The following RORA variants were observed in gnomAD, a reference collection of about 807,000 sequenced individuals.
RORA encodes RAR related orphan receptor A.
RORA carries 7 observed loss-of-function variants against 69.5 expected under a neutral mutation model. That is an observed-to-expected ratio of 0.10 (90% confidence interval 0.06 to 0.19). The LOEUF (loss-of-function observed/expected upper bound fraction) is 0.19. Among genes scored for constraint, RORA ranks in the 10% least tolerant of loss-of-function variants. The pLI is 1.00. For synonymous variants in RORA, 261 were observed against 240.8 expected, an observed-to-expected ratio of 1.08 and a Z score of -0.78; for missense variants, 457 against 663.0, an observed-to-expected ratio of 0.69 and a Z score of 3.41.
chr15:61,186,881 C>T (rs1181617853), intron 1 of RORA, among the ~76,000 whole-genome samples: 1 of 152,144 alleles, frequency 6.6e-6, no homozygotes, highest in African/African-American at 2.4e-5. Context: ...GAGGTAAAAT[C>T]AGGAGGAGTC....
chr15:60,586,558 C>A (rs2068342685), intron 2 of RORA, among the ~76,000 whole-genome samples: 1 of 152,042 alleles, frequency 6.6e-6, no homozygotes, highest in Non-Finnish European at 1.5e-5. Flanking sequence ...TTCTGCACAG[C>A]CCCAAAGGAA....
At chr15:60,907,009 A>T (rs1202078289) in intron 1 of RORA, among the ~76,000 whole-genome samples, 1 of 152,208 alleles carries the variant, frequency 6.6e-6, no homozygotes, top group African/African-American at 2.4e-5. Context: ...AAATGCTCCA[A>T]GCAGCTAGAA....
At chr15:61,066,418 CTTTTTTTTTTTTTTT>C (rs1168663714) in intron 1 of RORA, among the ~76,000 whole-genome samples, 3 of 80,918 alleles carry the variant, frequency 3.7e-5, no homozygotes, top group African/African-American at 4.9e-5. Flanking sequence ...GGGCATATTC[CTTTTTTTTTTTTTTT>C]TTTTTTTTTT....
At chr15:60,550,000 T>C (rs559441843) in intron 2 of RORA, among the ~76,000 whole-genome samples, 1 of 152,250 alleles carries the variant, frequency 6.6e-6, no homozygotes, top group East Asian at 1.9e-4. Flanking sequence ...TTGAAAAAAG[T>C]GTAGAAGAGG....
intron 1 of RORA, among the ~76,000 whole-genome samples, chr15:60,708,599 T>G (rs556651421): frequency 1.3e-5 from 2 of 152,176 alleles, no homozygotes; most frequent in African/African-American, 4.8e-5. Context: ...GAATTTTCCA[T>G]AACACTTGCA....
intron 1 of RORA, among the ~76,000 whole-genome samples, chr15:60,813,581 T>C (rs2072772223): frequency 6.6e-6 from 1 of 152,206 alleles, no homozygotes; most frequent in African/African-American, 2.4e-5. Context: ...TTGTAACCTT[T>C]GCCCATCTTC....
chr15:60,794,505 A>G (rs983373015), intron 1 of RORA, among the ~76,000 whole-genome samples: 1 of 152,184 alleles, frequency 6.6e-6, no homozygotes, highest in Admixed American at 6.5e-5. Context: ...ACGACCATAA[A>G]GTCCTAGGGA....
intron 2 of RORA, among the ~76,000 whole-genome samples, chr15:60,562,268 C>T (rs1175808687): frequency 2.6e-5 from 4 of 151,936 alleles, no homozygotes; most frequent in Non-Finnish European, 5.9e-5. Flanking sequence ...CAGAGTCTGA[C>T]TCTGTCACCC....
intron 1 of RORA, among the ~76,000 whole-genome samples, chr15:60,946,269 C>T (rs1054412662): frequency 2.0e-5 from 3 of 152,118 alleles, no homozygotes; most frequent in African/African-American, 2.4e-5. Context: ...CCTCCTTCTC[C>T]CCACGGTCTC....
chr15:61,212,130 C>G (rs1470335195), intron 1 of RORA, among the ~76,000 whole-genome samples: 1 of 152,172 alleles, frequency 6.6e-6, no homozygotes, highest in Non-Finnish European at 1.5e-5. Flanking sequence ...ATAAGGAGAC[C>G]TATCCACAGC....
At chr15:60,851,294 G>A (rs1234823347) in intron 1 of RORA, among the ~76,000 whole-genome samples, 3 of 152,170 alleles carry the variant, frequency 2.0e-5, no homozygotes, top group African/African-American at 2.4e-5. Flanking sequence ...CTTGTCAGCC[G>A]CTTCCACAAT....
chr15:60,752,417 G>A (rs1410079718), intron 1 of RORA, among the ~76,000 whole-genome samples: 1 of 151,992 alleles, frequency 6.6e-6, no homozygotes, highest in Non-Finnish European at 1.5e-5. Context: ...CAATAATAGC[G>A]TTTCAATTTG....
intron 1 of RORA, among the ~76,000 whole-genome samples, chr15:60,916,177 C>T (rs1259648763): frequency 1.3e-5 from 2 of 152,170 alleles, no homozygotes; most frequent in Admixed American, 6.5e-5. Flanking sequence ...CTGTATGTGT[C>T]GTTTGACTGA....
chr15:60,713,981 C>T (rs1191310543), intron 1 of RORA, among the ~76,000 whole-genome samples: 1 of 152,110 alleles, frequency 6.6e-6, no homozygotes, highest in African/African-American at 2.4e-5. Flanking sequence ...ACTGTTCTCA[C>T]TTGGCAAAAC....
intron 1 of RORA, among the ~76,000 whole-genome samples, chr15:60,872,215 T>C (rs950513940): frequency 6.6e-6 from 1 of 152,134 alleles, no homozygotes; most frequent in South Asian, 2.1e-4. Flanking sequence ...TAACCTCCTA[T>C]AGAATGAATA....
chr15:61,077,273 C>T (rs925683032), intron 1 of RORA, among the ~76,000 whole-genome samples: 6 of 151,958 alleles, frequency 3.9e-5, no homozygotes, highest in African/African-American at 1.2e-4. Context: ...GGAGAGAGAA[C>T]AAACAAATGA....
chr15:60,611,558 G>GAAAAAAAAAA (rs1567122905), intron 2 of RORA, among the ~76,000 whole-genome samples: 3 of 2,454 alleles, frequency 1.2e-3, no homozygotes, highest in Non-Finnish European at 2.2e-3. Context: ...CTTGAGTTTT[G>GAAAAAAAAAA]CAAAAAAAAA....
chr15:61,082,540 T>C (rs1178354102), intron 1 of RORA, among the ~76,000 whole-genome samples: 1 of 152,180 alleles, frequency 6.6e-6, no homozygotes, highest in Admixed American at 6.5e-5. Flanking sequence ...ATTTGCAGGA[T>C]GCAAAACCTG....
intron 1 of RORA, among the ~76,000 whole-genome samples, chr15:60,789,747 G>A (rs143927146): frequency 1.3e-3 from 203 of 152,340 alleles, no homozygotes; most frequent in African/African-American, 4.7e-3. Flanking sequence ...GGCTTTAGGA[G>A]AGGCCGGTGC....
Sources: allele counts gnomAD v4.1 joint callset (sites outside exome capture counted in the v4.1 genomes callset), GRCh38; gene constraint gnomAD v4.1.1; transcripts MANE v1.5; gene names NCBI Gene and HGNC (gene_info 2026-07-23, HGNC 2026-07-21).